NCR1: variants seen among roughly 807,000 people sequenced by gnomAD.
NCR1 encodes natural cytotoxicity triggering receptor 1, also known as NK cell-activating receptor.
A neutral mutation model predicts 32.5 loss-of-function variants in NCR1; 30 were observed. The observed-to-expected ratio is 0.92, with a 90% CI of 0.69 to 1.25. The LOEUF (loss-of-function observed/expected upper bound fraction) is 1.25. Among genes scored for constraint, NCR1 ranks in the 50% most tolerant of loss-of-function variants. NCR1 has a pLI of 0.00. For synonymous variants in NCR1, 169 were observed against 143.4 expected (o/e 1.18, Z -1.28); for missense variants, 369 against 380.7 (o/e 0.97, Z 0.26).
chr19:54,923,634 C>T, the NCR1 span: 86 of 1,309,122 alleles, frequency 6.6e-5, no homozygotes, highest in African/African-American at 9.8e-4. Context: ...TCCTACCTCT[C>T]GACAGACTCT....
At chr19:54,912,379 C>G (rs2068017737) in intron 6 of NCR1, among the ~76,000 whole-genome samples, 161 bp downstream of exon 6, 2 of 151,800 alleles carry the variant, frequency 1.3e-5, no homozygotes, top group Admixed American at 6.6e-5. Context: ...GGCAGATCAT[C>G]TGAGGTCGGG....
chr19:54,906,524 G>A lies in NCR1; in HGVS notation c.72G>A (p.Gln24=). ...CLSQRISAQQ[Q]TLPKPFIWAE... ...CTCCAGCCTCTGATTCCCTTCCAGA[G>A]ACTCTCCCAAAACCGTTCATCTGGG... Residue 24 remains glutamine, a splice_region_variant and synonymous_variant, in exon 3 of 7, where the codon CAG becomes CAA. Transcript: ENST00000291890. The A allele has an allele frequency of 1.9e-6, 3 of 1,606,020 alleles. No homozygotes were observed. The highest frequency in any genetic ancestry group is 1.7e-6 in the Non-Finnish European group (2 of 1,179,668).
chr19:54,930,409 C>T, the NCR1 span: 3 of 881,530 alleles, frequency 3.4e-6, no homozygotes, highest in Non-Finnish European at 3.7e-6. Context: ...CCGCAGTGAG[C>T]CGTAATCACC....
At chr19:54,903,328 A>ACATG (rs2067339628), upstream of NCR1, among the ~76,000 whole-genome samples, 60 of 127,978 alleles carry the variant, frequency 4.7e-4, 2 homozygotes, top group Admixed American at 1.4e-3. Context: ...ATGTATATAT[A>ACATG]CATGTATGTA....
At chr19:54,934,710 T>C in the NCR1 span, 2 of 1,453,618 alleles carry the variant, frequency 1.4e-6, no homozygotes, top group Middle Eastern at 2.5e-4. This position sits in a 1 kb window ranked among gnomAD's most constrained non-coding sequence, Gnocchi z 6.7. Context: ...GAGTATACCC[T>C]ATCAGCTTTT....
the NCR1 span, among the ~76,000 whole-genome samples, chr19:54,922,793 A>C: frequency 6.7e-6 from 1 of 149,384 alleles, no homozygotes. Context: ...AAAAAAACAA[A>C]AAAAAAAAAC....
At chr19:54,903,528 A>C (rs957659074), upstream of NCR1, among the ~76,000 whole-genome samples, 4 of 115,064 alleles carry the variant, frequency 3.5e-5, 1 homozygote, top group Admixed American at 3.4e-4. Context: ...GTGTGTATAC[A>C]TATATATGCA....
chr19:54,902,998 C>T (rs2067327644), upstream of NCR1, among the ~76,000 whole-genome samples: 1 of 151,952 alleles, frequency 6.6e-6, no homozygotes, highest in Non-Finnish European at 1.5e-5. Flanking sequence ...AGTGTGGTGG[C>T]ACACGCCTGT....
chr19:54,914,845 T>G (rs2068101797), downstream of NCR1, among the ~76,000 whole-genome samples: 1 of 151,758 alleles, frequency 6.6e-6, no homozygotes, highest in Non-Finnish European at 1.5e-5. Flanking sequence ...GCTCAAGCGA[T>G]TCTCCTTCCT....
chr19:54,919,305 C>T (rs1403854222), downstream of NCR1, among the ~76,000 whole-genome samples: 5 of 152,156 alleles, frequency 3.3e-5, no homozygotes, highest in East Asian at 3.9e-4. Flanking sequence ...TGTCTGGCTG[C>T]GCTGTTATTT....
At chr19:54,909,990 A>G in intron 4 of NCR1, 28 bp from the exon 5 acceptor site, 2 of 1,590,826 alleles carry the variant, frequency 1.3e-6, no homozygotes, top group Non-Finnish European at 1.7e-6. Flanking sequence ...AAAAACCCTT[A>G]CTTTTTTTTC....
the NCR1 span, among the ~76,000 whole-genome samples, chr19:54,937,192 TG>T: frequency 1.4e-5 from 2 of 144,946 alleles, no homozygotes; most frequent in African/African-American, 5.2e-5. Context: ...CACTCCAGCC[TG>T]GGGAACATAG....
chr19:54,929,519 G>C, the NCR1 span, among the ~76,000 whole-genome samples: 10 of 152,092 alleles, frequency 6.6e-5, no homozygotes, highest in Non-Finnish European at 1.3e-4. Context: ...ACAAACTTTG[G>C]GGAGAGAAGT....
downstream of NCR1, among the ~76,000 whole-genome samples, chr19:54,917,552 C>G (rs1024532690): frequency 6.6e-6 from 1 of 152,030 alleles, no homozygotes; most frequent in Non-Finnish European, 1.5e-5. Context: ...AACTCCCGAC[C>G]TCATGTGATC....
the NCR1 span, among the ~76,000 whole-genome samples, chr19:54,924,765 G>A: frequency 6.6e-6 from 1 of 151,838 alleles, no homozygotes; most frequent in East Asian, 1.9e-4. Flanking sequence ...GTGAAACCCC[G>A]TCTCTACTAA....
the NCR1 span, among the ~76,000 whole-genome samples, chr19:54,922,356 A>G: frequency 6.6e-6 from 1 of 152,234 alleles, no homozygotes. Flanking sequence ...TTTTCTATGA[A>G]TGACCAAATA....
chr19:54,930,115 C>CAAA, the NCR1 span, among the ~76,000 whole-genome samples: 5 of 100,562 alleles, frequency 5.0e-5, no homozygotes, highest in Admixed American at 2.3e-4. Flanking sequence ...GGCTCCGTCT[C>CAAA]AAAAAAAAAA....
chr19:54,921,311 C>G, the NCR1 span, among the ~76,000 whole-genome samples: 1 of 152,292 alleles, frequency 6.6e-6, no homozygotes, highest in East Asian at 1.9e-4. Context: ...TGCATTACTA[C>G]CAGCTGACTG....
chr19:54,919,813 C>T (rs909806696), downstream of NCR1, among the ~76,000 whole-genome samples: 2 of 148,490 alleles, frequency 1.3e-5, no homozygotes, highest in East Asian at 2.1e-4. Context: ...CGCTTGGTGA[C>T]GGGTGTCTTC....
Sources: gnomAD v4.1 joint callset for allele counts (sites outside exome capture counted in the v4.1 genomes callset) on GRCh38, gnomAD v4.1.1 for gene constraint, Gnocchi (gnomAD v3.1) non-coding constraint, MANE v1.5 for transcripts, NCBI Gene and HGNC (gene_info 2026-07-23, HGNC 2026-07-21) for gene names.